Variants in RASA2 observed in about 807,000 individuals in gnomAD.
RASA2 encodes ras GTPase-activating protein 2.
A neutral mutation model predicts 118.2 loss-of-function variants in RASA2; 155 were observed. That is an observed-to-expected ratio of 1.31 (90% CI 1.15 to 1.50). RASA2 has a LOEUF of 1.50. RASA2 is among the 40% of genes most tolerant of loss of function. The probability of loss-of-function intolerance (pLI) is 0.00; values close to 1 mark genes in which losing one functional copy is unlikely to be tolerated. For missense variants in RASA2, 1,016 were observed against 1,009.6 expected (o/e 1.01, Z -0.09); for synonymous variants, 353 against 349.1 (o/e 1.01, Z -0.12).
chr3:141,590,277 C>T (rs1324103096), intron 19 of RASA2: 4 of 406,432 alleles, frequency 9.8e-6, no homozygotes, highest in Non-Finnish European at 2.0e-5. Flanking sequence ...GCATTTACTC[C>T]GCAGCTAAAT....
chr3:141,577,104 CCAGT>C lies in RASA2; in HGVS notation c.1589_1590+2del. Reference sequence around the variant, plus strand: ...TACTTTTCATTTGCGACCTCATCATCCAGTAAGTGTTCATTCTTCTGAAAGCTTT... The same window carrying C: ...TACTTTTCATTTGCGACCTCATCATCAAGTGTTCATTCTTCTGAAAGCTTT... On this transcript the variant is annotated splice_donor_variant and coding_sequence_variant, in exon 15 of 24. Coordinates refer to ENST00000286364, the MANE Select transcript of RASA2 (RefSeq NM_006506.5). LOFTEE classifies it high-confidence loss of function. The C allele has an allele frequency of 6.4e-7, 1 of 1,570,390 alleles. No homozygotes were observed. The highest frequency in any genetic ancestry group is 8.7e-7 in the Non-Finnish European group (1 of 1,146,328).
chr3:141,532,614 C>T (rs563573419), intron 4 of RASA2, among the ~76,000 whole-genome samples: 18 of 152,088 alleles, frequency 1.2e-4, no homozygotes, highest in Non-Finnish European at 1.9e-4. Flanking sequence ...GCGTAAGTTA[C>T]AATTATTTTT....
chr3:141,515,125 A>G (rs1195768229), intron 2 of RASA2, among the ~76,000 whole-genome samples: 2 of 152,182 alleles, frequency 1.3e-5, no homozygotes, highest in African/African-American at 4.8e-5. Context: ...TTTAAATTGG[A>G]TTTTTATTGT....
At chr3:141,597,346 G>A (rs1375321859) in intron 19 of RASA2, among the ~76,000 whole-genome samples, 3 of 152,202 alleles carry the variant, frequency 2.0e-5, no homozygotes, top group Admixed American at 2.0e-4. Flanking sequence ...AGAAGTCAGA[G>A]CCAAGAAATT....
At chr3:141,568,253 A>T (rs1200801823) in intron 9 of RASA2, among the ~76,000 whole-genome samples, 3 of 152,172 alleles carry the variant, frequency 2.0e-5, no homozygotes, top group Non-Finnish European at 2.9e-5. Context: ...GTTAACTAGG[A>T]AGTGCTTTCA....
At chr3:141,522,279 A>T (rs1294640375) in intron 3 of RASA2, among the ~76,000 whole-genome samples, 2 of 152,146 alleles carry the variant, frequency 1.3e-5, no homozygotes, top group African/African-American at 2.4e-5. Flanking sequence ...TGGATCAGTC[A>T]GTAGAGATGG....
intron 23 of RASA2, among the ~76,000 whole-genome samples, chr3:141,610,841 A>G (rs988088870): frequency 2.0e-5 from 3 of 151,928 alleles, no homozygotes; most frequent in Non-Finnish European, 4.4e-5. Context: ...TTGAATACTT[A>G]GTAGCTCTTC....
At position 141,597,083 on chromosome 3, in the gene RASA2, G is replaced by GAT. The variant is rs548614499; in HGVS notation, c.1933+10340_1933+10341dup. 2.3e-3 allele frequency among the ~76,000 whole-genome samples: 345 copies of GAT among 152,122 alleles called. 1 individual carries two copies. The highest frequency in any genetic ancestry group is 3.9e-3 in the African/African-American group (163 of 41,502). Reference sequence around the variant, plus strand: ...GCTGGTGAATGGGTAAATAAAATATGATATATATATGCAATAGAACACTAT... The same window carrying GAT: ...GCTGGTGAATGGGTAAATAAAATATGATATATATATATGCAATAGAACACTAT... On this transcript the variant is annotated intron_variant, in intron 19 of 23. Coordinates refer to ENST00000286364, the MANE Select transcript of RASA2 (RefSeq NM_006506.5).
rs148271576 is a variant in RASA2 at position 141,596,951 on chromosome 3, A to G, written c.1933+10199A>G. ...CTAGCAATTCCACTGTTGGTTACCT[A>G]CCCCAAAAGAAATGAAAACATATGC... On this transcript the variant is annotated intron_variant, in intron 19 of 23. Coordinates refer to ENST00000286364, the MANE Select transcript of RASA2 (RefSeq NM_006506.5). Among the ~76,000 whole-genome samples, 219 of 152,342 alleles carry G rather than the reference A, an allele frequency of 1.4e-3. 7 individuals are homozygous for G. The East Asian group carries it at 0.024, about 17-fold the overall frequency.
intron 1 of RASA2, among the ~76,000 whole-genome samples, chr3:141,496,370 A>C (rs1164113805): frequency 6.6e-6 from 1 of 152,224 alleles, no homozygotes; most frequent in Non-Finnish European, 1.5e-5. Flanking sequence ...CTACCATCAG[A>C]GTGAACAGGC....
chr3:141,576,448 G>A (rs774618721), intron 14 of RASA2, among the ~76,000 whole-genome samples: 11 of 152,294 alleles, frequency 7.2e-5, no homozygotes, highest in East Asian at 1.9e-4. Flanking sequence ...AGTCTGAAAC[G>A]AAAGTTGTAG....
At chr3:141,562,319 T>TA (rs554671192) in intron 9 of RASA2, among the ~76,000 whole-genome samples, 36,027 of 132,664 alleles carry the variant, frequency 0.27, 5,228 homozygotes, top group Non-Finnish European at 0.35. Flanking sequence ...TGTCTTCAGT[T>TA]AAAAAAAAAA....
rs568660676 is a variant in RASA2, at chr3:141,542,059, C to A, written c.527+1450C>A. Among the ~76,000 whole-genome samples the A allele has an allele frequency of 2.7e-5, 4 of 146,622 alleles. No individual in the cohort carries two copies. In the South Asian group the frequency reaches 8.6e-4, roughly 32 times the overall value. Reference sequence around the variant, plus strand: ...ATTTAAGGGTTTTTTTGTGCCCCTTCCCCCCAATTTAAGTTTTTTCCCCCA... The same window carrying A: ...ATTTAAGGGTTTTTTTGTGCCCCTTACCCCCAATTTAAGTTTTTTCCCCCA... On this transcript the variant is annotated intron_variant, in intron 5 of 23. Transcript: ENST00000286364.
chr3:141,573,749 A>G (rs2082961593), intron 13 of RASA2, among the ~76,000 whole-genome samples, 195 bp from the exon 14 acceptor site: 1 of 152,212 alleles, frequency 6.6e-6, no homozygotes, highest in East Asian at 1.9e-4. Context: ...GCAAATCTAA[A>G]TTTAATTTAT....
intron 5 of RASA2, among the ~76,000 whole-genome samples, chr3:141,541,628 A>G (rs1287265376): frequency 1.3e-5 from 2 of 152,074 alleles, no homozygotes; most frequent in African/African-American, 4.8e-5. Flanking sequence ...ATCTGCAGTT[A>G]TTATATTCCA....
chr3:141,604,472 C>G (rs926535473), intron 19 of RASA2, among the ~76,000 whole-genome samples: 2 of 152,152 alleles, frequency 1.3e-5, no homozygotes, highest in African/African-American at 4.8e-5. Flanking sequence ...AGAACATTAT[C>G]ATGCTTTCAA....
chr3:141,571,081 T>A lies in RASA2; in HGVS notation c.1020+13T>A, dbSNP rs1394682566. On this transcript the variant is annotated intron_variant, in intron 10 of 23. Transcript: ENST00000286364. ...ACCAGATGTTCAAGTATGTTAAGAA[T>A]CTTAAGGATATGATTTAACACGAAA... 1.9e-6 allele frequency: 3 copies of A among 1,583,530 alleles called. No individual in the cohort carries two copies. Among genetic ancestry groups the A allele is most frequent in the Non-Finnish European group, 2.6e-6 (3 of 1,170,394 alleles).
chr3:141,500,665 T>G (rs1368188135), intron 1 of RASA2, among the ~76,000 whole-genome samples: 1 of 152,244 alleles, frequency 6.6e-6, no homozygotes, highest in Non-Finnish European at 1.5e-5. Context: ...ACTCATAAAG[T>G]ATCTTTTCAT....
intron 3 of RASA2, among the ~76,000 whole-genome samples, chr3:141,524,274 G>T (rs908471890): frequency 6.6e-6 from 1 of 152,080 alleles, no homozygotes; most frequent in African/African-American, 2.4e-5. Context: ...CTCCTGATTG[G>T]TTCTAAGAAG....
Sources: gnomAD v4.1 joint callset for allele counts (sites outside exome capture counted in the v4.1 genomes callset) on GRCh38, gnomAD v4.1.1 for gene constraint, MANE v1.5 for transcripts, NCBI Gene and HGNC (gene_info 2026-07-23, HGNC 2026-07-21) for gene names.